HOOK3: variants seen among roughly 807,000 people sequenced by gnomAD.
HOOK3 encodes the protein protein Hook homolog 3.
HOOK3 carries 24 observed loss-of-function variants against 116.3 expected under a neutral mutation model. That is an observed-to-expected ratio of 0.21 (90% confidence interval 0.15 to 0.29). HOOK3 has a LOEUF of 0.29. Among genes scored for constraint, HOOK3 ranks in the 10% least tolerant of loss-of-function variants. The pLI is 1.00. For synonymous variants in HOOK3, 275 were observed against 283.0 expected (o/e 0.97, Z 0.28); for missense variants, 632 against 830.2 (o/e 0.76, Z 2.93).
At chr8:42,987,375 C>A (rs1283331052) in intron 15 of HOOK3, among the ~76,000 whole-genome samples, 1 of 152,178 alleles carries the variant, frequency 6.6e-6, no homozygotes, top group African/African-American at 2.4e-5. Flanking sequence ...TTTACCCTTT[C>A]TAATCACTAA....
chr8:42,943,370 C>T lies in HOOK3; in HGVS notation c.325C>T (p.His109Tyr). 6.4e-7 allele frequency: 1 copy of T among 1,566,510 alleles called. No individual in the cohort carries two copies. The highest frequency in any genetic ancestry group is 8.7e-7 in the Non-Finnish European group (1 of 1,154,588). The change falls in exon 5 of 22, where the codon CAT becomes TAT. Residue 109 changes from histidine (H) to tyrosine (Y), a missense_variant. This residue lies in a region of HOOK3 where 141 missense variants were observed against 150.8 expected (regional missense o/e 0.93). Transcript: ENST00000307602. ...TCCTGATGTGAACCTTATTGGGGAG[C>T]ATTCTGATGCAGCAGAGCTTGGAAG... ...TLPDVNLIGE[H>Y]SDAAELGRML...
At chr8:42,939,461 T>A (rs1189749872) in intron 4 of HOOK3, among the ~76,000 whole-genome samples, 13 of 115,820 alleles carry the variant, frequency 1.1e-4, no homozygotes, top group South Asian at 3.3e-4. Flanking sequence ...CACTTCCCAG[T>A]AGGGGCGGCC....
At chr8:43,009,261 C>G (rs889832436) in intron 18 of HOOK3, among the ~76,000 whole-genome samples, 2 of 151,778 alleles carry the variant, frequency 1.3e-5, no homozygotes, top group African/African-American at 4.8e-5. Context: ...AAAAAATTAG[C>G]CGGGGGTGGT....
chr8:42,961,368 C>G (rs978174017), intron 8 of HOOK3, among the ~76,000 whole-genome samples: 2 of 152,110 alleles, frequency 1.3e-5, no homozygotes, highest in Non-Finnish European at 2.9e-5. Context: ...TAAGAACTTC[C>G]CTTTTTTCAT....
intron 17 of HOOK3, among the ~76,000 whole-genome samples, chr8:43,006,722 A>G (rs181290872): frequency 6.6e-6 from 1 of 152,200 alleles, no homozygotes; most frequent in South Asian, 2.1e-4. Flanking sequence ...TCATAAATGC[A>G]TACAAGTCTC....
intron 1 of HOOK3, among the ~76,000 whole-genome samples, chr8:42,905,970 C>A (rs1208183625): frequency 1.3e-5 from 2 of 151,670 alleles, no homozygotes; most frequent in African/African-American, 2.4e-5. Context: ...TCCTGTAATC[C>A]CAGCTACTTG....
chr8:42,987,928 C>T (rs1809078859), intron 15 of HOOK3, among the ~76,000 whole-genome samples: 2 of 151,964 alleles, frequency 1.3e-5, no homozygotes, highest in African/African-American at 4.8e-5. Context: ...CTTCATAGCT[C>T]ACCTGACATT....
chr8:42,956,824 C>T lies in HOOK3; in HGVS notation c.469-270C>T, dbSNP rs551853065. The stretch of plus-strand genomic sequence containing the variant: ...GTCTTGAACTCCTGACCTCATGATC[C>T]GCCCACCTCGGCCTCCCAAAGTGCA... On this transcript the variant is annotated intron_variant, in intron 6 of 21. Coordinates refer to ENST00000307602, the MANE Select transcript of HOOK3 (RefSeq NM_032410.4). Among the ~76,000 whole-genome samples, 27 of 152,258 alleles carry T rather than the reference C, an allele frequency of 1.8e-4. No individual in the cohort carries two copies. In the East Asian group the frequency reaches 2.5e-3, roughly 14 times the overall value.
intron 4 of HOOK3, among the ~76,000 whole-genome samples, chr8:42,931,153 T>C (rs1256601029): frequency 2.0e-5 from 3 of 152,232 alleles, no homozygotes; most frequent in Admixed American, 6.5e-5. Context: ...TTTTCTTCCG[T>C]AGCCTTTGCC....
chr8:42,954,709 A>G (rs1236528571), intron 6 of HOOK3, among the ~76,000 whole-genome samples: 1 of 152,246 alleles, frequency 6.6e-6, no homozygotes, highest in African/African-American at 2.4e-5. Context: ...CTAGGGATAC[A>G]ACCATGAAAA....
intron 8 of HOOK3, among the ~76,000 whole-genome samples, chr8:42,963,395 A>G (rs1808571802): frequency 6.6e-6 from 1 of 152,184 alleles, no homozygotes; most frequent in African/African-American, 2.4e-5. Context: ...TTGGGATGCA[A>G]ATCATTTATC....
chr8:43,025,384 G>C lies in HOOK3; in HGVS notation c.*6886G>C, dbSNP rs563263417. Reference sequence around the variant, plus strand: ...CCTAGAAAGTGGAGTGGATCATTGGGATAAGAAATAGCCTAATTATAAACA... The same window carrying C: ...CCTAGAAAGTGGAGTGGATCATTGGCATAAGAAATAGCCTAATTATAAACA... On this transcript the variant is annotated 3_prime_UTR_variant, in exon 22 of 22. Transcript: ENST00000307602. 30 of 213,348 alleles carry C rather than the reference G, an allele frequency of 1.4e-4. No homozygotes were observed. The East Asian group carries it at 1.7e-3, about 12-fold the overall frequency. 13.2% of individuals were successfully genotyped at this position (213,348 alleles called of 1,614,324 possible).
At chr8:42,946,090 T>C (rs187323648) in intron 5 of HOOK3, among the ~76,000 whole-genome samples, 179 of 152,314 alleles carry the variant, frequency 1.2e-3, no homozygotes, top group African/African-American at 4.2e-3. Flanking sequence ...CATTTTCTCT[T>C]CTATATTCAA....
At chr8:43,014,256 A>C (rs7012985) in intron 21 of HOOK3, among the ~76,000 whole-genome samples, 17,764 of 144,728 alleles carry the variant, frequency 0.12, 1,862 homozygotes, top group African/African-American at 0.26. Flanking sequence ...ATTGCACTCC[A>C]GCCTGGGTGA....
intron 2 of HOOK3, among the ~76,000 whole-genome samples, chr8:42,909,099 C>A (rs1285008029): frequency 6.6e-6 from 1 of 152,186 alleles, no homozygotes; most frequent in East Asian, 1.9e-4. Flanking sequence ...ATTAAAACCG[C>A]AATGAGGTGT....
chr8:42,956,223 C>CGTGT (rs61448463), intron 6 of HOOK3, among the ~76,000 whole-genome samples: 6,785 of 135,814 alleles, frequency 0.05, 180 homozygotes, highest in Non-Finnish European at 0.063. Flanking sequence ...AGGATTAGGG[C>CGTGT]GTGTGTGTGT....
In HOOK3 at chr8:43,027,915, C is replaced by T. The variant is rs1809963826; in HGVS notation, c.*9417C>T. ...GCTATTCAACAGCACTTTTATTGCCCAGAGAGAAAATAAGGACAAAATAAA... is the reference window on the plus strand; with the variant it reads ...GCTATTCAACAGCACTTTTATTGCCTAGAGAGAAAATAAGGACAAAATAAA... On this transcript the variant is annotated 3_prime_UTR_variant, in exon 22 of 22. Transcript: ENST00000307602. 5.1e-6 allele frequency: 1 copy of T among 197,940 alleles called. No homozygotes were observed. The highest frequency in any genetic ancestry group is 1.0e-5 in the Non-Finnish European group (1 of 95,610). The allele number at this position is 197,940 out of a possible 1,614,324, so 12.3% of individuals were successfully genotyped here.
At chr8:42,956,536 G>A (rs1165206303) in intron 6 of HOOK3, among the ~76,000 whole-genome samples, 1 of 151,490 alleles carries the variant, frequency 6.6e-6, no homozygotes, top group African/African-American at 2.4e-5. Flanking sequence ...GTGTCTTATG[G>A]TGCTGATAGA....
At chr8:42,940,096 G>A (rs978364664) in intron 4 of HOOK3, among the ~76,000 whole-genome samples, 8 of 152,250 alleles carry the variant, frequency 5.3e-5, no homozygotes, top group African/African-American at 1.9e-4. Context: ...CCGGGCAGAG[G>A]CTGCAATCTC....
Sources: gnomAD v4.1 joint callset for allele counts (sites outside exome capture counted in the v4.1 genomes callset) on GRCh38, gnomAD v4.1.1 for gene constraint, gnomAD v4.1.1 regional missense constraint, MANE v1.5 for transcripts, NCBI Gene and HGNC (gene_info 2026-07-23, HGNC 2026-07-21) for gene names.